The following ELOVL6 variants were observed in gnomAD, a reference collection of about 807,000 sequenced individuals.
ELOVL6 encodes ELOVL fatty acid elongase 6, also known as very long chain fatty acid elongase 6.
A neutral mutation model predicts 31.7 loss-of-function variants in ELOVL6; 8 were observed. The observed-to-expected ratio is 0.25, with a 90% CI of 0.15 to 0.45. ELOVL6 has a LOEUF of 0.45. Among genes scored for constraint, ELOVL6 ranks in the 20% least tolerant of loss-of-function variants. ELOVL6 has a pLI of 1.00. For missense variants in ELOVL6, 126 were observed against 326.4 expected, an observed-to-expected ratio of 0.39 and a Z score of 4.73; for synonymous variants, 101 against 117.7, an observed-to-expected ratio of 0.86 and a Z score of 0.92.
chr4:110,191,820 T>C (rs1759630223), intron 1 of ELOVL6, among the ~76,000 whole-genome samples: 1 of 151,794 alleles, frequency 6.6e-6, no homozygotes, highest in South Asian at 2.1e-4. Context: ...AGAAAATTGA[T>C]TAGATGGTTA....
intron 2 of ELOVL6, among the ~76,000 whole-genome samples, chr4:110,071,670 G>A (rs1755487901): frequency 6.6e-6 from 1 of 151,992 alleles, no homozygotes; most frequent in African/African-American, 2.4e-5. Context: ...GCTCCCTCCC[G>A]GAACTTGGCC....
intron 1 of ELOVL6, chr4:110,117,903 A>AAAAAAAAAAAAAAATATATATATATAT: frequency 1.5e-4 from 1 of 6,506 alleles, no homozygotes; most frequent in African/African-American, 3.3e-4. Flanking sequence ...AAAAAAAAAA[A>AAAAAAAAAAAAAAATATATATATATAT]ATATATATAT....
chr4:110,086,866 C>G (rs1054984851), intron 2 of ELOVL6, among the ~76,000 whole-genome samples: 3 of 152,076 alleles, frequency 2.0e-5, no homozygotes, highest in Non-Finnish European at 4.4e-5. Flanking sequence ...GAAAACTGAT[C>G]CGGAATTAGG....
At chr4:110,088,458 T>C (rs1756332094) in intron 2 of ELOVL6, among the ~76,000 whole-genome samples, 1 of 152,206 alleles carries the variant, frequency 6.6e-6, no homozygotes, top group Non-Finnish European at 1.5e-5. Flanking sequence ...TCCATTTTAA[T>C]AAGCACTGTG....
chr4:110,152,412 A>G (rs541151757), intron 1 of ELOVL6, among the ~76,000 whole-genome samples: 14 of 152,268 alleles, frequency 9.2e-5, no homozygotes, highest in African/African-American at 3.4e-4. Context: ...ACTTTCCCAA[A>G]TCTTACCTCT....
intron 1 of ELOVL6, among the ~76,000 whole-genome samples, chr4:110,136,070 A>T (rs1447940968): frequency 6.6e-6 from 1 of 152,210 alleles, no homozygotes; most frequent in Non-Finnish European, 1.5e-5. Context: ...CATTGATCAC[A>T]AAGACTGCAT....
At chr4:110,072,934 C>T (rs1019630881) in intron 2 of ELOVL6, among the ~76,000 whole-genome samples, 7 of 152,036 alleles carry the variant, frequency 4.6e-5, no homozygotes, top group Non-Finnish European at 8.8e-5. Context: ...AATTTAATCA[C>T]GAAATGATTT....
chr4:110,141,607 A>C (rs1187564417), intron 1 of ELOVL6, among the ~76,000 whole-genome samples: 1 of 151,498 alleles, frequency 6.6e-6, no homozygotes, highest in Non-Finnish European at 1.5e-5. Context: ...CACTGAGATC[A>C]TGCAGAAGTA....
intron 1 of ELOVL6, among the ~76,000 whole-genome samples, chr4:110,148,638 G>T (rs1159711165): frequency 6.6e-6 from 1 of 152,000 alleles, no homozygotes; most frequent in African/African-American, 2.4e-5. Context: ...GAGTATAATT[G>T]GACTGTTTGT....
At chr4:110,144,440 G>T (rs115585978) in intron 1 of ELOVL6, among the ~76,000 whole-genome samples, 19,314 of 152,156 alleles carry the variant, frequency 0.13, 1,339 homozygotes, top group African/African-American at 0.15. Flanking sequence ...AATCATATTT[G>T]CTTAGCTCCT....
At chr4:110,089,306 C>T (rs1251576109) in intron 2 of ELOVL6, among the ~76,000 whole-genome samples, 1 of 152,102 alleles carries the variant, frequency 6.6e-6, no homozygotes, top group Non-Finnish European at 1.5e-5. Flanking sequence ...AGGTTTGAAC[C>T]ACTCGGGCCC....
chr4:110,084,378 T>TATATCGCATATATCATATGTG (rs1231605632), intron 2 of ELOVL6, among the ~76,000 whole-genome samples: 2 of 46,676 alleles, frequency 4.3e-5, no homozygotes, highest in African/African-American at 1.4e-4. Flanking sequence ...TGATATATGA[T>TATATCGCATATATCATATGTG]ATATATCGCA....
chr4:110,079,750 G>A (rs1471982549), intron 2 of ELOVL6, among the ~76,000 whole-genome samples: 2 of 151,140 alleles, frequency 1.3e-5, no homozygotes, highest in Admixed American at 1.3e-4. Flanking sequence ...GAGCAGAACT[G>A]AAGGAAACAG....
intron 2 of ELOVL6, among the ~76,000 whole-genome samples, chr4:110,097,887 A>T (rs1268833020): frequency 6.6e-6 from 1 of 152,206 alleles, no homozygotes; most frequent in Non-Finnish European, 1.5e-5. Flanking sequence ...CATTAGAAGC[A>T]AGGCATTGGA....
At chr4:110,094,741 A>T (rs1756529916) in intron 2 of ELOVL6, among the ~76,000 whole-genome samples, 1 of 151,912 alleles carries the variant, frequency 6.6e-6, no homozygotes, top group African/African-American at 2.4e-5. Context: ...TGATTTCTTG[A>T]TGCATGTATG....
At chr4:110,105,235 T>C (rs1434544027) in intron 2 of ELOVL6, among the ~76,000 whole-genome samples, 1 of 152,118 alleles carries the variant, frequency 6.6e-6, no homozygotes, top group Non-Finnish European at 1.5e-5. Context: ...CTGCTTCTCA[T>C]CCTAACAGAT....
At chr4:110,084,238 T>TAACTTATATGATATATAAC (rs1560814683) in intron 2 of ELOVL6, among the ~76,000 whole-genome samples, 3 of 114,194 alleles carry the variant, frequency 2.6e-5, no homozygotes, top group African/African-American at 1.3e-4. Context: ...ATATATAACA[T>TAACTTATATGATATATAAC]ATATGATATA....
intron 1 of ELOVL6, among the ~76,000 whole-genome samples, chr4:110,196,423 C>T (rs952200911): frequency 2.0e-5 from 3 of 152,184 alleles, no homozygotes; most frequent in Non-Finnish European, 2.9e-5. Context: ...CTCCGGCCAC[C>T]GCCCCCTCCC....
chr4:110,179,794 A>G (rs1759218692), intron 1 of ELOVL6, among the ~76,000 whole-genome samples: 1 of 152,234 alleles, frequency 6.6e-6, no homozygotes, highest in African/African-American at 2.4e-5. Context: ...TAGCACATCT[A>G]GATATGATAA....
Sources: allele counts gnomAD v4.1 joint callset (sites outside exome capture counted in the v4.1 genomes callset), GRCh38; gene constraint gnomAD v4.1.1; transcripts MANE v1.5; gene names NCBI Gene and HGNC (gene_info 2026-07-23, HGNC 2026-07-21).